The following INSC variants were observed in gnomAD, a reference collection of about 807,000 sequenced individuals.
INSC encodes the protein protein inscuteable homolog.
INSC carries 67 observed loss-of-function variants against 58.6 expected under a neutral mutation model. The observed-to-expected ratio is 1.14, with a 90% CI of 0.94 to 1.40. The LOEUF (loss-of-function observed/expected upper bound fraction) is 1.40, where lower values mean the gene tolerates loss of function less well. Ranked by LOEUF, INSC falls within the 40% of genes most tolerant of loss-of-function variation. INSC has a pLI of 0.00. For synonymous variants in INSC, 262 were observed against 276.1 expected (o/e 0.95, Z 0.51); for missense variants, 714 against 692.0 (o/e 1.03, Z -0.36).
intron 6 of INSC, among the ~76,000 whole-genome samples, chr11:15,197,811 A>AC (rs941952614): frequency 6.6e-6 from 1 of 152,020 alleles, no homozygotes; most frequent in Non-Finnish European, 1.5e-5. Context: ...TCCTTCCACC[A>AC]CCAGCCCACA....
chr11:15,148,093 G>T (rs58951881), intron 1 of INSC, among the ~76,000 whole-genome samples: 15,549 of 152,240 alleles, frequency 0.1, 923 homozygotes, highest in African/African-American at 0.15. Context: ...ATACAAACAG[G>T]TGGGTAGCTG....
chr11:15,213,273 C>T (rs369140404), intron 7 of INSC, among the ~76,000 whole-genome samples: 4 of 151,972 alleles, frequency 2.6e-5, no homozygotes, highest in African/African-American at 7.2e-5. Context: ...AAAACAAAAA[C>T]AAAAATAAAA....
At chr11:15,125,981 C>T (rs1847985935) in intron 1 of INSC, among the ~76,000 whole-genome samples, 1 of 152,070 alleles carries the variant, frequency 6.6e-6, no homozygotes, top group African/African-American at 2.4e-5. Context: ...TGCTCTGAAG[C>T]TTGAACATAA....
intron 1 of INSC, among the ~76,000 whole-genome samples, chr11:15,138,833 G>C (rs1226380490): frequency 6.6e-6 from 1 of 152,136 alleles, no homozygotes; most frequent in Non-Finnish European, 1.5e-5. Context: ...GGATGTAGAA[G>C]CTGAAGGTCA....
chr11:15,113,277 C>T (rs528447510), upstream of INSC, among the ~76,000 whole-genome samples: 8 of 152,198 alleles, frequency 5.3e-5, no homozygotes, highest in South Asian at 1.5e-3. Flanking sequence ...TCTCTTGCCT[C>T]AGCCTCCTGA....
chr11:15,262,091 G>C, the INSC span, among the ~76,000 whole-genome samples: 47 of 152,194 alleles, frequency 3.1e-4, no homozygotes, highest in East Asian at 8.9e-3. Context: ...TCCTCAAAAG[G>C]TATCCCAGAG....
intron 4 of INSC, 62 bp downstream of exon 4, chr11:15,177,225 T>C: frequency 7.5e-7 from 1 of 1,329,870 alleles, no homozygotes; most frequent in Non-Finnish European, 1.1e-6. Context: ...GAGAAGGGGC[T>C]GGTATCTTCT....
chr11:15,139,126 C>A (rs1443692185), intron 1 of INSC, among the ~76,000 whole-genome samples: 1 of 152,202 alleles, frequency 6.6e-6, no homozygotes, highest in Non-Finnish European at 1.5e-5. Context: ...AAAGACCCCT[C>A]CAACCTGGGT....
At chr11:15,180,779 TCC>T (rs966938566) in intron 5 of INSC, among the ~76,000 whole-genome samples, 4 of 151,930 alleles carry the variant, frequency 2.6e-5, no homozygotes, top group Admixed American at 6.6e-5. Context: ...CCTGGTGCTT[TCC>T]CCCTTCCCTG....
intron 2 of INSC, 55 bp from the exon 3 acceptor site, chr11:15,175,686 C>T (rs1229574613): frequency 8.7e-6 from 12 of 1,386,498 alleles, no homozygotes; most frequent in African/African-American, 1.4e-5. Context: ...AGAATTGAGA[C>T]CTTTGGAAAT....
chr11:15,246,024 A>G lies in INSC; in HGVS notation c.1583A>G (p.Glu528Gly). The G allele has an allele frequency of 6.2e-7, 1 of 1,614,166 alleles. No homozygotes were observed. Among genetic ancestry groups the G allele is most frequent in the South Asian group, 1.1e-5 (1 of 91,084 alleles). Residue 528 changes from glutamate to glycine, a missense_variant, in exon 13 of 13, where the codon GAG becomes GGG. Glu to Gly is a moderately conservative substitution (Grantham distance 98). Coordinates refer to ENST00000379556, the MANE Select transcript of INSC (RefSeq NM_001042536.3). ...VDSFLLCSNMEESFV is the reference protein window; with the variant it reads ...VDSFLLCSNMGESFV ...TCCTTCTTACTCTGCAGCAACATGG[A>G]GGAGAGTTTTGTGTAGTGAGTGTGG... is the stretch of plus-strand genomic sequence containing the variant.
intron 5 of INSC, among the ~76,000 whole-genome samples, chr11:15,185,941 A>G (rs1564891363): frequency 6.6e-6 from 1 of 152,192 alleles, no homozygotes; most frequent in East Asian, 1.9e-4. Context: ...GTGAAATGAG[A>G]AAAAAATTCT....
intron 12 of INSC, 137 bp from the exon 13 acceptor site, chr11:15,245,775 G>T (rs920852302): frequency 3.6e-6 from 4 of 1,112,624 alleles, no homozygotes; most frequent in Non-Finnish European, 5.1e-6. Flanking sequence ...ATGCCAAGTG[G>T]CTAACATGAT....
chr11:15,212,401 G>C (rs1234378207), intron 7 of INSC, among the ~76,000 whole-genome samples: 1 of 152,200 alleles, frequency 6.6e-6, no homozygotes, highest in Non-Finnish European at 1.5e-5. Context: ...CCAAAGTGCT[G>C]GAATTACAGG....
chr11:15,239,000 A>C lies in INSC; in HGVS notation c.1319A>C (p.Gln440Pro), dbSNP rs1478152949. ...GAAGTGGCAGCCTGTGAGCGAGTCCAGCAGAAAGCTGCAGTGACCCTGGCT... is the reference window on the plus strand; with the variant it reads ...GAAGTGGCAGCCTGTGAGCGAGTCCCGCAGAAAGCTGCAGTGACCCTGGCT... The part of the protein sequence containing the change: ...PAEVAACERV[Q>P]QKAAVTLARL... The change falls in exon 11 of 13, where the codon CAG becomes CCG. Residue 440 changes from glutamine to proline, a missense_variant. By Grantham distance (76) the Gln-to-Pro change is moderately conservative (BLOSUM62 -1). Transcript: ENST00000379556. 3 of 1,614,238 alleles carry C rather than the reference A, an allele frequency of 1.9e-6. No homozygotes were observed. The highest frequency in any genetic ancestry group is 2.5e-6 in the Non-Finnish European group (3 of 1,180,030).
At chr11:15,262,655 A>AACAGACACACAC in the INSC span, among the ~76,000 whole-genome samples, 1 of 146,680 alleles carries the variant, frequency 6.8e-6, no homozygotes, top group Non-Finnish European at 1.5e-5. Context: ...CTGGGTGATA[A>AACAGACACACAC]ACACACACAC....
At chr11:15,268,468 G>T in the INSC span, among the ~76,000 whole-genome samples, 1 of 152,018 alleles carries the variant, frequency 6.6e-6, no homozygotes, top group Non-Finnish European at 1.5e-5. Flanking sequence ...ATCAGTGAAG[G>T]ATCATTAACT....
chr11:15,116,805 T>TTTCTTTCTTTCTC (rs1554900053), intron 1 of INSC, among the ~76,000 whole-genome samples: 36 of 19,982 alleles, frequency 1.8e-3, no homozygotes, highest in African/African-American at 4.6e-3. Flanking sequence ...CTTTTCTTTC[T>TTTCTTTCTTTCTC]TTTCTTTCTT....
At chr11:15,240,372 G>A (rs1292559294) in intron 11 of INSC, 75 bp from the exon 12 acceptor site, 8 of 1,289,880 alleles carry the variant, frequency 6.2e-6, no homozygotes, top group Non-Finnish European at 8.9e-6. Flanking sequence ...GGTGTGCAAG[G>A]GAGGCCCAGA....
Sources: allele counts gnomAD v4.1 joint callset (sites outside exome capture counted in the v4.1 genomes callset), GRCh38; gene constraint gnomAD v4.1.1; transcripts MANE v1.5; gene names NCBI Gene and HGNC (gene_info 2026-07-23, HGNC 2026-07-21).